PLD1: variants seen among roughly 807,000 people sequenced by gnomAD.
PLD1 encodes choline phosphatase 1.
A neutral mutation model predicts 137.1 loss-of-function variants in PLD1; 112 were observed. That is an observed-to-expected ratio of 0.82 (90% CI 0.70 to 0.96). The LOEUF (loss-of-function observed/expected upper bound fraction) is 0.96, where lower values mean the gene tolerates loss of function less well. PLD1 is among the 40% of genes least tolerant of loss of function. The pLI, the probability that PLD1 is intolerant of heterozygous loss-of-function variation, is 0.00. For missense variants in PLD1, 1,321 were observed against 1,342.0 expected (o/e 0.98, Z 0.24); for synonymous variants, 431 against 454.7 (o/e 0.95, Z 0.66).
At chr3:171,789,477 G>A (rs925919097) in intron 1 of PLD1, 1 of 152,200 alleles carries the variant, frequency 6.6e-6, no homozygotes, top group African/African-American at 2.4e-5. Context: ...CTAGGTACAC[G>A]AAGTCAGCAG....
At chr3:171,616,956 G>A (rs1249316694) in intron 24 of PLD1, among the ~76,000 whole-genome samples, 1 of 152,158 alleles carries the variant, frequency 6.6e-6, no homozygotes, top group African/African-American at 2.4e-5. Flanking sequence ...GGGCTACTCT[G>A]TCTTTTCTGC....
At chr3:171,697,237 CTTTTTTTTTT>C (rs34340739) in intron 12 of PLD1, among the ~76,000 whole-genome samples, 4,636 of 97,328 alleles carry the variant, frequency 0.048, 206 homozygotes, top group African/African-American at 0.15. Flanking sequence ...TTCCGGACAC[CTTTTTTTTTT>C]TTTTTTTTTT....
intron 19 of PLD1, among the ~76,000 whole-genome samples, chr3:171,671,990 G>A (rs569255675): frequency 3.9e-5 from 3 of 77,374 alleles, no homozygotes; most frequent in Admixed American, 2.5e-4. Context: ...CCCCCACCCC[G>A]CCCCCGCCCT....
At chr3:171,719,820 T>A (rs1247826024) in intron 8 of PLD1, among the ~76,000 whole-genome samples, 1 of 152,210 alleles carries the variant, frequency 6.6e-6, no homozygotes, top group East Asian at 1.9e-4. Flanking sequence ...TTAAAACTCA[T>A]CTCTCAGATA....
In PLD1 at chr3:171,602,107, G is replaced by A. The variant is rs1731868845; in HGVS notation, c.*971C>T. On this transcript the variant is annotated 3_prime_UTR_variant, in exon 27 of 27. Coordinates refer to ENST00000351298, the MANE Select transcript of PLD1 (RefSeq NM_002662.5). ...CTCTGATTCTCTTGAAAGACAAACT[G>A]TATTCACTAGTTTGATTTTGAAATG... 3 of 152,176 alleles carry A rather than the reference G, an allele frequency of 2.0e-5. No homozygotes were observed. The South Asian group carries it at 6.2e-4, about 31-fold the overall frequency. 9.4% of individuals were successfully genotyped at this position (152,176 alleles called of 1,614,324 possible).
intron 12 of PLD1, among the ~76,000 whole-genome samples, chr3:171,698,315 C>G (rs1333690517): frequency 2.0e-5 from 3 of 152,210 alleles, no homozygotes; most frequent in Non-Finnish European, 4.4e-5. Context: ...ATAATGTTTT[C>G]AGAATCAAAA....
intron 11 of PLD1, among the ~76,000 whole-genome samples, chr3:171,703,067 C>G (rs1009973725): frequency 2.0e-5 from 3 of 152,004 alleles, no homozygotes; most frequent in African/African-American, 7.2e-5. Context: ...TCAATCAGTG[C>G]AATTCACCAC....
Position 171,788,250 on chromosome 3 carries a change from CTTTTTTTTT to C in PLD1, c.-32+22140_-32+22148del, listed in dbSNP as rs58878929. ...TGTGTTTGTGAGTGCATCTGCACTT[CTTTTTTTTT>C]TTTTTTTTTTTTGTAAAGACTGAAA... On this transcript the variant is annotated intron_variant, in intron 1 of 26. Coordinates refer to ENST00000351298, the MANE Select transcript of PLD1 (RefSeq NM_002662.5). Among the ~76,000 whole-genome samples, 65 of 110,554 alleles carry C rather than the reference CTTTTTTTTT, an allele frequency of 5.9e-4. 1 individual carries two copies. Among genetic ancestry groups the C allele is most frequent in the Admixed American group, 3.8e-3 (35 of 9,198 alleles). 72.5% of individuals were successfully genotyped at this position (110,554 alleles called of 152,430 possible).
chr3:171,769,357 A>T (rs1722189820), intron 1 of PLD1, among the ~76,000 whole-genome samples: 1 of 152,232 alleles, frequency 6.6e-6, no homozygotes, highest in African/African-American at 2.4e-5. Context: ...AACGACTAAA[A>T]TGTCTTAATA....
intron 21 of PLD1, chr3:171,654,299 TCAAAA>T: frequency 8.2e-6 from 1 of 121,810 alleles, no homozygotes. Flanking sequence ...CAAGACTGTC[TCAAAA>T]AAAAAAAAAA....
chr3:171,712,717 C>T (rs904360681), intron 9 of PLD1, among the ~76,000 whole-genome samples: 2 of 151,998 alleles, frequency 1.3e-5, no homozygotes, highest in Non-Finnish European at 2.9e-5. Context: ...CAATGACATA[C>T]GGGTAAGTGA....
intron 1 of PLD1, among the ~76,000 whole-genome samples, chr3:171,773,850 G>A (rs1229702859): frequency 6.6e-6 from 1 of 151,966 alleles, no homozygotes; most frequent in East Asian, 2.0e-4. Context: ...CTGGGTTCAC[G>A]CCATTCTTCT....
intron 18 of PLD1, among the ~76,000 whole-genome samples, chr3:171,674,979 C>CAAAAAAAAAAAAAAAAAAA (rs376402019): frequency 4.0e-5 from 3 of 75,020 alleles, no homozygotes; most frequent in African/African-American, 9.2e-5. Flanking sequence ...ATCTCCATCT[C>CAAAAAAAAAAAAAAAAAAA]AAAAAAAAAA....
At chr3:171,710,095 C>A (rs1173708753) in intron 9 of PLD1, among the ~76,000 whole-genome samples, 11 of 152,040 alleles carry the variant, frequency 7.2e-5, no homozygotes. Flanking sequence ...TGGAGTCTCG[C>A]TCTGTCGCCC....
intron 21 of PLD1, among the ~76,000 whole-genome samples, chr3:171,650,396 A>G (rs1173158989): frequency 6.6e-6 from 1 of 152,198 alleles, no homozygotes; most frequent in African/African-American, 2.4e-5. Context: ...GTAGAGAGGC[A>G]GGCCTGAAAG....
rs1476705710 is a variant in PLD1, at chr3:171,628,747, C to G, written c.2594-8227G>C. Among the ~76,000 whole-genome samples, 3 of 151,878 alleles carry G rather than the reference C, an allele frequency of 2.0e-5. No homozygotes were observed. The East Asian group carries it at 5.8e-4, about 29-fold the overall frequency. ...AATGTAATCCAGCATATAAACAGAA[C>G]CAAAGACAAAAACCACGTGATTATC... is the stretch of plus-strand genomic sequence containing the variant. On this transcript the variant is annotated intron_variant, in intron 23 of 26. Coordinates refer to ENST00000351298, the MANE Select transcript of PLD1 (RefSeq NM_002662.5).
intron 1 of PLD1, among the ~76,000 whole-genome samples, chr3:171,756,501 T>C (rs1721038792): frequency 1.3e-5 from 2 of 152,246 alleles, no homozygotes; most frequent in East Asian, 3.9e-4. Context: ...AGCAATGCAA[T>C]ATTTAAGGTA....
chr3:171,791,684 G>T (rs762246134), intron 1 of PLD1: 14 of 152,156 alleles, frequency 9.2e-5, no homozygotes, highest in Non-Finnish European at 1.8e-4. Context: ...ACTGTAAAAG[G>T]CTGGATCGAA....
At chr3:171,704,457 G>GAAAAAAAAAAAAA (rs1362665761) in intron 11 of PLD1, among the ~76,000 whole-genome samples, 2 of 98,180 alleles carry the variant, frequency 2.0e-5, no homozygotes, top group African/African-American at 9.2e-5. Context: ...CAAAGAACCA[G>GAAAAAAAAAAAAA]GAAAAAAAAA....
Sources: allele counts gnomAD v4.1 joint callset (sites outside exome capture counted in the v4.1 genomes callset), GRCh38; gene constraint gnomAD v4.1.1; transcripts MANE v1.5; gene names NCBI Gene and HGNC (gene_info 2026-07-23, HGNC 2026-07-21).